Variants in DCC observed in about 807,000 individuals in gnomAD.
DCC encodes DCC netrin 1 receptor, also known as netrin receptor DCC.
In DCC, 58 loss-of-function variants were observed where a neutral mutation model predicts 172.5. That is an observed-to-expected ratio of 0.34 (90% CI 0.27 to 0.42). DCC has a LOEUF of 0.42. DCC is among the 10% of genes least tolerant of loss of function. DCC has a pLI of 1.00. For synonymous variants in DCC, 709 were observed against 644.5 expected, an observed-to-expected ratio of 1.10 and a Z score of -1.52; for missense variants, 1,740 against 1,791.0, an observed-to-expected ratio of 0.97 and a Z score of 0.51.
chr18:52,854,932 C>T (rs553049256), intron 2 of DCC, among the ~76,000 whole-genome samples: 33 of 152,308 alleles, frequency 2.2e-4, no homozygotes, highest in African/African-American at 7.5e-4. Context: ...GAGCCATGAC[C>T]TGAGCTTCCT....
At chr18:52,751,999 AG>A in intron 1 of DCC, 54 bp from the exon 2 acceptor site, 1 of 1,458,928 alleles carries the variant, frequency 6.9e-7, no homozygotes. Flanking sequence ...AGGGAATCTA[AG>A]CCTGAGATTT....
At chr18:53,182,475 C>T (rs2055211770) in intron 9 of DCC, among the ~76,000 whole-genome samples, 1 of 152,124 alleles carries the variant, frequency 6.6e-6, no homozygotes, top group African/African-American at 2.4e-5. Context: ...ATAAAGTAGC[C>T]TGCATAAACA....
rs1668933534 is a variant in DCC at position 52,872,463 on chromosome 18, C to T, written c.413-33581C>T. On this transcript the variant is annotated intron_variant, in intron 2 of 28. Transcript: ENST00000442544. ...TCTTCTCTACGAATGCCGATCTACC[C>T]CAGAGACAGTTTTCAGGGCTACTTC... Among the ~76,000 whole-genome samples, 3 of 152,128 alleles carry T rather than the reference C, an allele frequency of 2.0e-5. No homozygotes were observed. The South Asian group carries it at 6.2e-4, about 32-fold the overall frequency.
intron 1 of DCC, among the ~76,000 whole-genome samples, chr18:52,365,154 TAAG>T (rs1246480507): frequency 6.6e-6 from 1 of 152,204 alleles, no homozygotes; most frequent in African/African-American, 2.4e-5. Context: ...TCTCTGATCT[TAAG>T]AAGATTAATG....
At chr18:53,132,663 A>G (rs2043675760) in intron 7 of DCC, among the ~76,000 whole-genome samples, 1 of 152,150 alleles carries the variant, frequency 6.6e-6, no homozygotes, top group Non-Finnish European at 1.5e-5. Context: ...AGTGATGTGA[A>G]GAGCAGGAGA....
chr18:52,567,241 GTCAT>G (rs1219653550), intron 1 of DCC, among the ~76,000 whole-genome samples: 1 of 151,836 alleles, frequency 6.6e-6, no homozygotes, highest in African/African-American at 2.4e-5. Context: ...ATTTGATATG[GTCAT>G]TCAAATATTC....
chr18:53,127,788 C>A (rs911239435), intron 7 of DCC, among the ~76,000 whole-genome samples: 2 of 152,150 alleles, frequency 1.3e-5, no homozygotes, highest in African/African-American at 2.4e-5. Context: ...AGTGAAAACA[C>A]TGTCACTGCT....
chr18:52,838,123 G>A (rs1049387457), intron 2 of DCC, among the ~76,000 whole-genome samples: 1 of 152,140 alleles, frequency 6.6e-6, no homozygotes, highest in Non-Finnish European at 1.5e-5. Flanking sequence ...GGGTGAGGAC[G>A]CAGCCAAACG....
At chr18:52,523,737 G>T (rs544813000) in intron 1 of DCC, among the ~76,000 whole-genome samples, 4 of 152,174 alleles carry the variant, frequency 2.6e-5, no homozygotes, top group African/African-American at 7.2e-5. Flanking sequence ...ATATGTTCAT[G>T]CTAATTTATA....
rs771225203 is a variant in DCC at position 52,526,914 on chromosome 18, A to G, written c.91+186036A>G. Among the ~76,000 whole-genome samples the G allele has an allele frequency of 4.9e-4, 75 of 152,186 alleles. 1 individual carries two copies. The highest frequency in any genetic ancestry group is 2.8e-3 in the Admixed American group (43 of 15,272). On this transcript the variant is annotated intron_variant, in intron 1 of 28. Coordinates refer to ENST00000442544, the MANE Select transcript of DCC (RefSeq NM_005215.4). ...CATGGGTAATTATTTTCCTCTCATCAGGTTACAGGTATCCCCAGAAATCTT... is the reference window on the plus strand; with the variant it reads ...CATGGGTAATTATTTTCCTCTCATCGGGTTACAGGTATCCCCAGAAATCTT...
chr18:52,945,747 C>G (rs1186166677), intron 5 of DCC, among the ~76,000 whole-genome samples: 1 of 146,358 alleles, frequency 6.8e-6, no homozygotes, highest in Non-Finnish European at 1.5e-5. Flanking sequence ...CAGCCTCCCC[C>G]AAGCTGTCCA....
At chr18:53,009,365 A>G (rs888521912) in intron 5 of DCC, among the ~76,000 whole-genome samples, 1 of 151,972 alleles carries the variant, frequency 6.6e-6, no homozygotes, top group African/African-American at 2.4e-5. Context: ...TCATTATATT[A>G]AATTTTCCCT....
chr18:52,958,771 T>C (rs981855473), intron 5 of DCC, among the ~76,000 whole-genome samples: 3 of 151,954 alleles, frequency 2.0e-5, no homozygotes, highest in Non-Finnish European at 4.4e-5. Context: ...AGGAGAGACA[T>C]GTTGTCGGGA....
chr18:52,876,526 T>C (rs1331045091), intron 2 of DCC, among the ~76,000 whole-genome samples: 1 of 152,184 alleles, frequency 6.6e-6, no homozygotes, highest in Admixed American at 6.5e-5. Context: ...AAAGAAAACA[T>C]AGATGTATTT....
intron 2 of DCC, among the ~76,000 whole-genome samples, chr18:52,788,269 G>T (rs535876788): frequency 1.0e-3 from 153 of 152,192 alleles, no homozygotes; most frequent in African/African-American, 3.2e-3. Context: ...AAACTGTTTA[G>T]TGATTTCAAA....
intron 5 of DCC, among the ~76,000 whole-genome samples, chr18:53,005,911 A>C (rs758637507): frequency 2.6e-5 from 4 of 152,130 alleles, no homozygotes; most frequent in Non-Finnish European, 5.9e-5. Flanking sequence ...GTGTACCTAC[A>C]ATGTTGGAAC....
intron 23 of DCC, among the ~76,000 whole-genome samples, chr18:53,455,284 A>T (rs35409749): frequency 1.3e-5 from 2 of 151,918 alleles, no homozygotes; most frequent in African/African-American, 4.8e-5. Context: ...CAACTTTAGC[A>T]GACGATGCCT....
At chr18:53,101,831 GT>G (rs2043177115) in intron 7 of DCC, among the ~76,000 whole-genome samples, 2 of 41,190 alleles carry the variant, frequency 4.9e-5, no homozygotes, top group African/African-American at 9.8e-5. Context: ...GTGTGTATTT[GT>G]GTGTGTGTGC....
intron 13 of DCC, among the ~76,000 whole-genome samples, chr18:53,315,014 A>G (rs905820149): frequency 6.6e-6 from 1 of 152,146 alleles, no homozygotes; most frequent in Non-Finnish European, 1.5e-5. Context: ...TGCAGGAAGT[A>G]TAGATTTGTT....
Sources: allele counts gnomAD v4.1 joint callset (sites outside exome capture counted in the v4.1 genomes callset), GRCh38; gene constraint gnomAD v4.1.1; transcripts MANE v1.5; gene names NCBI Gene and HGNC (gene_info 2026-07-23, HGNC 2026-07-21).